REDIC1: variants seen among roughly 807,000 people sequenced by gnomAD.
The protein encoded by REDIC1 is HEI10 Interacting Protein 1.
At chr12:39,673,844 G>T in the REDIC1 span, among the ~76,000 whole-genome samples, 1 of 151,994 alleles carries the variant, frequency 6.6e-6, no homozygotes, top group Non-Finnish European at 1.5e-5. Context: ...GTGGTTCATT[G>T]TCTTTTATTT....
chr12:39,653,588 C>CTTCTTCTTCTTCTTCTTT, the REDIC1 span, among the ~76,000 whole-genome samples: 1 of 129,486 alleles, frequency 7.7e-6, no homozygotes, highest in African/African-American at 2.8e-5. Context: ...TCCTCTTCTT[C>CTTCTTCTTCTTCTTCTTT]TTCCTCTTCT....
At chr12:39,703,762 C>G in the REDIC1 span, among the ~76,000 whole-genome samples, 357 of 152,178 alleles carry the variant, frequency 2.3e-3, no homozygotes, top group African/African-American at 8.1e-3. Context: ...ACAGAGCCCT[C>G]AGTAATAACG....
the REDIC1 span, among the ~76,000 whole-genome samples, chr12:39,675,329 C>T: frequency 2.0e-5 from 3 of 151,510 alleles, no homozygotes; most frequent in African/African-American, 4.8e-5. Flanking sequence ...TTTTTTTTTT[C>T]CCACTTTGGT....
chr12:39,769,100 T>A, the REDIC1 span, among the ~76,000 whole-genome samples: 1 of 152,110 alleles, frequency 6.6e-6, no homozygotes, highest in Non-Finnish European at 1.5e-5. Context: ...TTGGGCTGTA[T>A]TAAAAGTTCA....
chr12:39,655,787 C>G, the REDIC1 span, among the ~76,000 whole-genome samples: 685 of 152,278 alleles, frequency 4.5e-3, 1 homozygote, highest in Non-Finnish European at 7.6e-3. Context: ...GTATGGACAC[C>G]TACTATTTCT....
the REDIC1 span, among the ~76,000 whole-genome samples, chr12:39,768,438 G>A: frequency 6.6e-6 from 1 of 152,102 alleles, no homozygotes; most frequent in African/African-American, 2.4e-5. Flanking sequence ...CTAGCTTTCA[G>A]CCTATCTCAG....
At chr12:39,706,532 A>G in the REDIC1 span, among the ~76,000 whole-genome samples, 1 of 152,206 alleles carries the variant, frequency 6.6e-6, no homozygotes, top group African/African-American at 2.4e-5. Flanking sequence ...AACTGAAGGA[A>G]TAGCATTCTC....
At chr12:39,723,018 G>A in the REDIC1 span, among the ~76,000 whole-genome samples, 1 of 152,108 alleles carries the variant, frequency 6.6e-6, no homozygotes, top group Admixed American at 6.6e-5. Context: ...ACACCGCTGT[G>A]ATTGAGACCC....
the REDIC1 span, among the ~76,000 whole-genome samples, chr12:39,694,238 A>G: frequency 1.4e-4 from 21 of 152,140 alleles, no homozygotes; most frequent in Non-Finnish European, 1.8e-4. Context: ...AAGCGCACCA[A>G]TTTAACAACT....
At chr12:39,712,965 GTGTATATGTATATATACATGTGTA>G in the REDIC1 span, among the ~76,000 whole-genome samples, 11 of 17,660 alleles carry the variant, frequency 6.2e-4, no homozygotes, top group African/African-American at 2.2e-3. Context: ...ATGCATATAC[GTGTATATGTATATATACATGTGTA>G]TATACGTGTA....
At chr12:39,864,810 A>G in the REDIC1 span, 1 of 1,614,134 alleles carries the variant, frequency 6.2e-7, no homozygotes, top group Non-Finnish European at 8.5e-7. Context: ...TATTGGCTTA[A>G]AAGTGATGCG....
the REDIC1 span, among the ~76,000 whole-genome samples, chr12:39,889,509 A>AC: frequency 2.3e-4 from 35 of 150,082 alleles, no homozygotes; most frequent in African/African-American, 6.8e-4. Flanking sequence ...GGCCGACTTT[A>AC]CGCTTCAGTG....
chr12:39,717,322 A>T, the REDIC1 span, among the ~76,000 whole-genome samples: 1 of 152,038 alleles, frequency 6.6e-6, no homozygotes, highest in South Asian at 2.1e-4. Context: ...TAAACAGTTG[A>T]TTAACACATA....
At chr12:39,655,449 T>C in the REDIC1 span, among the ~76,000 whole-genome samples, 5 of 152,140 alleles carry the variant, frequency 3.3e-5, no homozygotes, top group Non-Finnish European at 7.4e-5. Context: ...CAAGGATGAG[T>C]AGATACCTGA....
At chr12:39,895,543 T>C in the REDIC1 span, among the ~76,000 whole-genome samples, 6 of 78,804 alleles carry the variant, frequency 7.6e-5, no homozygotes, top group African/African-American at 2.2e-4. Flanking sequence ...TATATATATA[T>C]ATATATATAC....
At chr12:39,865,574 A>C in the REDIC1 span, among the ~76,000 whole-genome samples, 1 of 152,224 alleles carries the variant, frequency 6.6e-6, no homozygotes, top group Admixed American at 6.5e-5. Context: ...TAGACATCCT[A>C]ATGGCAAATA....
the REDIC1 span, among the ~76,000 whole-genome samples, chr12:39,664,864 T>C: frequency 6.6e-6 from 1 of 152,234 alleles, no homozygotes; most frequent in South Asian, 2.1e-4. Flanking sequence ...GTTGGCTGCA[T>C]AAATGTCTTC....
At chr12:39,896,340 A>C in the REDIC1 span, among the ~76,000 whole-genome samples, 1 of 135,308 alleles carries the variant, frequency 7.4e-6, no homozygotes, top group Non-Finnish European at 1.6e-5. Context: ...ATATATGTAT[A>C]CATATATGTA....
chr12:39,776,099 A>G, the REDIC1 span, among the ~76,000 whole-genome samples: 4 of 152,170 alleles, frequency 2.6e-5, no homozygotes, highest in Admixed American at 6.5e-5. Flanking sequence ...CTTCTTCCAT[A>G]TTGCTGTTCC....
Sources: gnomAD v4.1 joint callset for allele counts (sites outside exome capture counted in the v4.1 genomes callset) on GRCh38, gnomAD v4.1.1 for gene constraint, MANE v1.5 for transcripts, NCBI Gene and HGNC (gene_info 2026-07-23, HGNC 2026-07-21) for gene names.